The following KCNT2 variants were observed in gnomAD, a reference collection of about 807,000 sequenced individuals.
KCNT2 encodes the protein potassium sodium-activated channel subfamily T member 2.
Under a neutral mutation model 153.8 loss-of-function variants are expected in KCNT2, and 67 were observed. That is an observed-to-expected ratio of 0.44 (90% CI 0.36 to 0.53). KCNT2 has a LOEUF of 0.53. Ranked by LOEUF, KCNT2 falls within the 20% of genes least tolerant of loss-of-function variation. The pLI, the probability that KCNT2 is intolerant of heterozygous loss-of-function variation, is 0.00. For missense variants in KCNT2, 975 were observed against 1,354.8 expected, an observed-to-expected ratio of 0.72 and a Z score of 4.40; for synonymous variants, 500 against 458.8, an observed-to-expected ratio of 1.09 and a Z score of -1.15.
intron 1 of KCNT2, among the ~76,000 whole-genome samples, chr1:196,527,675 T>A (rs1654414706): frequency 6.6e-6 from 1 of 152,220 alleles, no homozygotes; most frequent in South Asian, 2.1e-4. Flanking sequence ...GGATATATGC[T>A]TAATTACTCA....
chr1:196,233,055 G>A (rs1399663221), intron 27 of KCNT2, among the ~76,000 whole-genome samples: 1 of 151,166 alleles, frequency 6.6e-6, no homozygotes, highest in African/African-American at 2.4e-5. Flanking sequence ...GTATAAATGT[G>A]GATGCCATGA....
intron 23 of KCNT2, among the ~76,000 whole-genome samples, chr1:196,283,403 C>G (rs909688452): frequency 1.3e-5 from 2 of 151,984 alleles, no homozygotes; most frequent in African/African-American, 4.8e-5. Context: ...CCACTGCACT[C>G]CAGCCTGGGC....
At chr1:196,245,415 A>G (rs1421302284) in intron 26 of KCNT2, among the ~76,000 whole-genome samples, 5 of 152,214 alleles carry the variant, frequency 3.3e-5, no homozygotes, top group Non-Finnish European at 7.3e-5. Flanking sequence ...ACACAAGCCC[A>G]GATTGCAAAG....
chr1:196,422,058 A>T (rs1673255327), intron 12 of KCNT2, among the ~76,000 whole-genome samples: 1 of 152,018 alleles, frequency 6.6e-6, no homozygotes, highest in Non-Finnish European at 1.5e-5. Flanking sequence ...AAGGGTTGGG[A>T]CTTCAACGCA....
chr1:196,312,912 G>T (rs1039936227), intron 21 of KCNT2, among the ~76,000 whole-genome samples: 5 of 151,640 alleles, frequency 3.3e-5, no homozygotes, highest in African/African-American at 1.2e-4. Flanking sequence ...ACTGATGAGG[G>T]TAACTGGATC....
intron 27 of KCNT2, among the ~76,000 whole-genome samples, chr1:196,232,932 T>G (rs1208559810): frequency 6.6e-6 from 1 of 151,236 alleles, no homozygotes; most frequent in African/African-American, 2.4e-5. Context: ...TCTATATAAT[T>G]AACACAATTA....
At chr1:196,594,497 A>G (rs1663810629) in intron 1 of KCNT2, among the ~76,000 whole-genome samples, 1 of 152,052 alleles carries the variant, frequency 6.6e-6, no homozygotes, top group South Asian at 2.1e-4. Flanking sequence ...TCTTTATACT[A>G]CAGGACTAAA....
chr1:196,393,164 T>C (rs1365566385), intron 13 of KCNT2, among the ~76,000 whole-genome samples: 2 of 151,442 alleles, frequency 1.3e-5, no homozygotes, highest in African/African-American at 4.8e-5. Context: ...ATTCACACTT[T>C]CATTCACTCC....
chr1:196,604,770 C>T (rs971884877), intron 1 of KCNT2, among the ~76,000 whole-genome samples: 3 of 151,294 alleles, frequency 2.0e-5, no homozygotes, highest in African/African-American at 7.3e-5. Context: ...ACATAATATA[C>T]AATTTTAGCA....
chr1:196,351,821 G>A (rs528577038), intron 14 of KCNT2, among the ~76,000 whole-genome samples: 2 of 152,218 alleles, frequency 1.3e-5, no homozygotes, highest in East Asian at 3.9e-4. Context: ...TGCCCATTCA[G>A]TATGATATTG....
At chr1:196,463,658 T>G (rs906791572) in intron 8 of KCNT2, among the ~76,000 whole-genome samples, 1 of 151,646 alleles carries the variant, frequency 6.6e-6, no homozygotes, top group African/African-American at 2.4e-5. Flanking sequence ...AATAAAACAA[T>G]GAAATAGAAA....
chr1:196,531,071 G>A (rs548732260), intron 1 of KCNT2, among the ~76,000 whole-genome samples: 1 of 152,224 alleles, frequency 6.6e-6, no homozygotes, highest in South Asian at 2.1e-4. Flanking sequence ...ACTGCCCGGA[G>A]ATGAACAACC....
chr1:196,530,068 A>G (rs887146760), intron 1 of KCNT2, among the ~76,000 whole-genome samples: 2 of 151,994 alleles, frequency 1.3e-5, no homozygotes, highest in Non-Finnish European at 2.9e-5. Flanking sequence ...ATTTTTTGAC[A>G]CACATCATAC....
At chr1:196,319,341 A>G (rs899110131) in intron 20 of KCNT2, 143 bp downstream of exon 20, 1 of 460,658 alleles carries the variant, frequency 2.2e-6, no homozygotes, top group African/African-American at 2.0e-5. Flanking sequence ...GTATAACACG[A>G]GAACATAAGC....
chr1:196,300,437 C>T (rs760145783), intron 22 of KCNT2, among the ~76,000 whole-genome samples: 10 of 152,112 alleles, frequency 6.6e-5, no homozygotes, highest in Non-Finnish European at 1.2e-4. Context: ...CCTTCTCTCA[C>T]CCCTTCTTCC....
chr1:196,550,595 G>C (rs575710242), intron 1 of KCNT2, among the ~76,000 whole-genome samples: 139 of 151,912 alleles, frequency 9.2e-4, no homozygotes, highest in Non-Finnish European at 1.5e-3. Flanking sequence ...TAAACCTAAA[G>C]AATATTTTTA....
At chr1:196,352,952 T>G (rs1055382354) in intron 14 of KCNT2, among the ~76,000 whole-genome samples, 1 of 151,980 alleles carries the variant, frequency 6.6e-6, no homozygotes, top group African/African-American at 2.4e-5. Context: ...CCTTCATTTC[T>G]TTATGTACCC....
At chr1:196,549,001 G>A (rs1230825490) in intron 1 of KCNT2, among the ~76,000 whole-genome samples, 1 of 147,348 alleles carries the variant, frequency 6.8e-6, no homozygotes, top group African/African-American at 2.5e-5. Context: ...TCTGGGGACT[G>A]TTGTGGGGTG....
At chr1:196,401,731 C>T (rs1326715055) in intron 12 of KCNT2, among the ~76,000 whole-genome samples, 1 of 151,312 alleles carries the variant, frequency 6.6e-6, no homozygotes, top group Non-Finnish European at 1.5e-5. Flanking sequence ...TAATTGAATT[C>T]CCAAAAAGAA....
Sources: allele counts gnomAD v4.1 joint callset (sites outside exome capture counted in the v4.1 genomes callset), GRCh38; gene constraint gnomAD v4.1.1; transcripts MANE v1.5; gene names NCBI Gene and HGNC (gene_info 2026-07-23, HGNC 2026-07-21).